The following SYNE3 variants were observed in gnomAD, a reference collection of about 807,000 sequenced individuals.
The protein encoded by SYNE3 is spectrin repeat containing nuclear envelope family member 3.
Under a neutral mutation model 111.2 loss-of-function variants are expected in SYNE3, and 100 were observed. The observed-to-expected ratio is 0.90, with a 90% CI of 0.77 to 1.06. The LOEUF is 1.06. SYNE3 is among the 50% of genes least tolerant of loss of function. SYNE3 has a pLI of 0.00. For missense variants in SYNE3, 1,160 were observed against 1,240.3 expected (o/e 0.94, Z 0.97); for synonymous variants, 547 against 533.9 (o/e 1.02, Z -0.34).
At position 95,470,047 on chromosome 14, in the gene SYNE3, G is replaced by A. The variant is rs1449817566; in HGVS notation, c.145-2080C>T. On this transcript the variant is annotated intron_variant, in intron 2 of 17. Coordinates refer to ENST00000682763, the MANE Select transcript of SYNE3 (RefSeq NM_152592.6). The surrounding 1 kb of genome is among the most constrained non-coding windows in gnomAD (Gnocchi z 4.2). The stretch of plus-strand genomic sequence containing the variant: ...AGAATGGGGAGATTCCTCAAGAGAG[G>A]GAAAGAGGGTTTGTTTGGCCAAGTA... Among the ~76,000 whole-genome samples the A allele has an allele frequency of 6.6e-6, 1 of 152,194 alleles. No individual in the cohort carries two copies. Among genetic ancestry groups the A allele is most frequent in the African/African-American group, 2.4e-5 (1 of 41,448 alleles).
At chr14:95,482,208 CG>C (rs57958167) in intron 1 of SYNE3, among the ~76,000 whole-genome samples, 13,036 of 152,158 alleles carry the variant, frequency 0.086, 939 homozygotes, top group Admixed American at 0.21. Context: ...TCAAGGCAGG[CG>C]GATCACCTGA....
chr14:95,463,730 G>T (rs1271529005), intron 4 of SYNE3, among the ~76,000 whole-genome samples: 1 of 152,264 alleles, frequency 6.6e-6, no homozygotes, highest in Non-Finnish European at 1.5e-5. Flanking sequence ...GCCTTGCGCA[G>T]TCTCCTGGAG....
At chr14:95,454,283 G>A (rs142045501) in intron 6 of SYNE3, among the ~76,000 whole-genome samples, 80 of 152,380 alleles carry the variant, frequency 5.3e-4, no homozygotes, top group Non-Finnish European at 1.0e-3. Context: ...GTGGTTGGAA[G>A]CATATGACCT....
intron 1 of SYNE3, among the ~76,000 whole-genome samples, chr14:95,497,379 C>T (rs139620188): frequency 2.3e-3 from 343 of 152,222 alleles, no homozygotes; most frequent in Non-Finnish European, 3.6e-3. Flanking sequence ...GTGCTTAGAA[C>T]AATGCTGGCA....
At chr14:95,473,959 G>A (rs1004741011) in intron 2 of SYNE3, among the ~76,000 whole-genome samples, 3 of 150,614 alleles carry the variant, frequency 2.0e-5, no homozygotes, top group African/African-American at 7.4e-5. Flanking sequence ...GTGAGCTTGC[G>A]AGGTGTGACA....
chr14:95,415,887 T>C lies in SYNE3; in HGVS notation c.*1939A>G, dbSNP rs1211449. 111,132 of 152,072 alleles carry C rather than the reference T, an allele frequency of 0.73. 40,589 individuals are homozygous for C. Among genetic ancestry groups the C allele is most frequent in the East Asian group, 0.79 (4,088 of 5,166 alleles). 9.4% of individuals were successfully genotyped at this position (152,072 alleles called of 1,614,324 possible). A position where few individuals can be genotyped will look rare whatever the true frequency, so the allele number is the denominator to read the frequency against. ...GCAGATGCCTGTAATCCCAGCTATT[T>C]GGGAGGCTGAAGCAGGAGAATCGCT... On this transcript the variant is annotated 3_prime_UTR_variant, in exon 18 of 18. Transcript: ENST00000682763.
chr14:95,419,782 GTGA>G (rs1455320124), intron 17 of SYNE3, among the ~76,000 whole-genome samples: 1 of 150,184 alleles, frequency 6.7e-6, no homozygotes, highest in Admixed American at 6.7e-5. Context: ...GGTGATAATG[GTGA>G]TGATCATGGT....
chr14:95,478,288 A>C (rs568307956), intron 1 of SYNE3, among the ~76,000 whole-genome samples: 64 of 152,346 alleles, frequency 4.2e-4, no homozygotes, highest in African/African-American at 1.4e-3. Flanking sequence ...AGCAGACAGC[A>C]GACACTATCT....
At chr14:95,439,888 A>G in intron 12 of SYNE3, 26 bp downstream of exon 12, 6 of 1,602,700 alleles carry the variant, frequency 3.7e-6, no homozygotes, top group Non-Finnish European at 5.1e-6. Context: ...TTCTTTGGGA[A>G]GTGGGTGAGG....
Position 95,408,567 on chromosome 14 carries a change from C to T in SYNE3, c.*9259G>A, listed in dbSNP as rs1903344731. ...CCTGAGCCCGATGTGGTCTCCCTGG[C>T]TTCTGAGAGACCACAGGCTGGTGTC... On this transcript the variant is annotated 3_prime_UTR_variant, in exon 18 of 18. Coordinates refer to ENST00000682763, the MANE Select transcript of SYNE3 (RefSeq NM_152592.6). The T allele has an allele frequency of 6.5e-6, 1 of 154,672 alleles. No individual in the cohort carries two copies. Among genetic ancestry groups the T allele is most frequent in the South Asian group, 2.0e-4 (1 of 5,002 alleles). The allele number at this position is 154,672 out of a possible 1,614,324, so 9.6% of individuals were successfully genotyped here.
chr14:95,467,433 C>A (rs1888256825), intron 3 of SYNE3, among the ~76,000 whole-genome samples: 2 of 152,156 alleles, frequency 1.3e-5, no homozygotes, highest in South Asian at 4.1e-4. Context: ...CCCCACCACC[C>A]CCTGTCCCGG....
intron 2 of SYNE3, among the ~76,000 whole-genome samples, chr14:95,471,408 G>A (rs1888520806): frequency 6.6e-6 from 1 of 152,214 alleles, no homozygotes; most frequent in African/African-American, 2.4e-5. Flanking sequence ...GACAGAAGGG[G>A]ACACAAAGAC....
intron 10 of SYNE3, among the ~76,000 whole-genome samples, chr14:95,443,497 A>G (rs1055729294): frequency 1.3e-5 from 2 of 152,186 alleles, no homozygotes; most frequent in Non-Finnish European, 2.9e-5. Flanking sequence ...AAAATCAGAC[A>G]AAAATATTCT....
intron 7 of SYNE3, 153 bp from the exon 8 acceptor site, chr14:95,450,258 T>C (rs1595204719): frequency 2.3e-6 from 2 of 852,430 alleles, no homozygotes; most frequent in Non-Finnish European, 1.8e-6. Flanking sequence ...TCTGCAGCAG[T>C]AGACAGAAGA....
intron 4 of SYNE3, among the ~76,000 whole-genome samples, chr14:95,465,194 AG>A (rs1888086276): frequency 6.6e-6 from 1 of 151,918 alleles, no homozygotes; most frequent in Admixed American, 6.6e-5. Context: ...AAGGGAGGGG[AG>A]GAGGGAGAGA....
chr14:95,439,087 T>A lies in SYNE3; in HGVS notation c.2322A>T (p.Pro774=). ...GKKMVFTNNI[P]KSGFLINPMD... Reference sequence around the variant, plus strand: ...TGGGATTGATGAGAAATCCTGACTTTGGGATGTTGTTGGTGAAAACCATTT... The same window carrying A: ...TGGGATTGATGAGAAATCCTGACTTAGGGATGTTGTTGGTGAAAACCATTT... Residue 774 remains proline, a synonymous_variant, in exon 14 of 18, where the codon CCA becomes CCT. Coordinates refer to ENST00000682763, the MANE Select transcript of SYNE3 (RefSeq NM_152592.6). 3 of 1,614,242 alleles carry A rather than the reference T, an allele frequency of 1.9e-6. No individual in the cohort carries two copies. The highest frequency in any genetic ancestry group is 2.5e-6 in the Non-Finnish European group (3 of 1,180,038).
intron 1 of SYNE3, among the ~76,000 whole-genome samples, chr14:95,512,532 C>T (rs1175793041): frequency 2.1e-4 from 31 of 144,478 alleles, no homozygotes; most frequent in East Asian, 6.4e-4. Context: ...CCAGCCTGGG[C>T]AACAGAGTGA....
rs116774609 is a variant in SYNE3, at chr14:95,473,297, G to T, written c.144+2381C>A. ...GGTCCTGCCAATGTGTCTTCCTAAGGACCACCCTTGACTTTGCTTAAACCA... is the reference window on the plus strand; with the variant it reads ...GGTCCTGCCAATGTGTCTTCCTAAGTACCACCCTTGACTTTGCTTAAACCA... On this transcript the variant is annotated intron_variant, in intron 2 of 17. Coordinates refer to ENST00000682763, the MANE Select transcript of SYNE3 (RefSeq NM_152592.6). 9.9e-3 allele frequency among the ~76,000 whole-genome samples: 1,505 copies of T among 152,062 alleles called. 20 individuals carry two copies. The highest frequency in any genetic ancestry group is 0.035 in the African/African-American group (1,444 of 41,466).
At chr14:95,507,920 T>A (rs1376173476) in intron 1 of SYNE3, among the ~76,000 whole-genome samples, 4 of 152,132 alleles carry the variant, frequency 2.6e-5, no homozygotes, top group African/African-American at 7.2e-5. Context: ...GGAAAACCTT[T>A]GGTGTTCCTA....
Sources: allele counts gnomAD v4.1 joint callset (sites outside exome capture counted in the v4.1 genomes callset), GRCh38; gene constraint gnomAD v4.1.1; non-coding constraint Gnocchi (gnomAD v3.1); transcripts MANE v1.5; gene names NCBI Gene and HGNC (gene_info 2026-07-23, HGNC 2026-07-21).